The following DHX8 variants were observed in gnomAD, a reference collection of about 807,000 sequenced individuals.
The protein encoded by DHX8 is DEAH-box helicase 8.
DHX8 carries 67 observed loss-of-function variants against 140.7 expected under a neutral mutation model. The observed-to-expected ratio is 0.48, with a 90% CI of 0.39 to 0.58. The LOEUF (loss-of-function observed/expected upper bound fraction) is 0.58. DHX8 is among the 20% of genes least tolerant of loss of function. DHX8 has a pLI of 0.00. For missense variants in DHX8, 887 were observed against 1,550.7 expected (o/e 0.57, Z 7.19); for synonymous variants, 533 against 553.2 (o/e 0.96, Z 0.51).
At chr17:43,518,703 CT>C (rs1970233521) in intron 18 of DHX8, 1 of 152,100 alleles carries the variant, frequency 6.6e-6, no homozygotes, top group Non-Finnish European at 1.5e-5. Context: ...ATTTCCAGAA[CT>C]TTTTCATTGT....
At chr17:43,508,073 C>A in intron 15 of DHX8, 54 bp downstream of exon 15, 1 of 1,542,238 alleles carries the variant, frequency 6.5e-7, no homozygotes, top group Non-Finnish European at 8.9e-7. Context: ...CCCTCTTAGG[C>A]CAAAAGTCCT....
At chr17:43,542,421 C>A (rs1389456747) in intron 3 of DHX8, among the ~76,000 whole-genome samples, 1 of 152,082 alleles carries the variant, frequency 6.6e-6, no homozygotes, top group Non-Finnish European at 1.5e-5. Context: ...GGATTCAGGG[C>A]TCCTGACAAG....
intron 16 of DHX8, among the ~76,000 whole-genome samples, chr17:43,509,830 G>C (rs367912526): frequency 2.0e-5 from 3 of 151,968 alleles, no homozygotes; most frequent in African/African-American, 7.2e-5. Context: ...TACCACGCCT[G>C]GCTTATTTTT....
At chr17:43,542,173 C>T (rs538624199) in intron 3 of DHX8, among the ~76,000 whole-genome samples, 55 of 152,078 alleles carry the variant, frequency 3.6e-4, no homozygotes, top group Non-Finnish European at 6.2e-4. Flanking sequence ...GCAGATCGAT[C>T]GATCCCTTTG....
Position 43,508,326 on chromosome 17 carries a change from A to G in DHX8, c.2321-13A>G, listed in dbSNP as rs772173136. On this transcript the variant is annotated splice_polypyrimidine_tract_variant and intron_variant, in intron 15 of 22. Transcript: ENST00000262415. ...CACACAGAAAGTAGATGAATGTTCT[A>G]TTCTGCTCGTAGGTGATATCCTGGT... 2.1e-5 allele frequency: 34 copies of G among 1,606,438 alleles called. No homozygotes were observed. The Middle Eastern group carries it at 8.3e-4, about 39-fold the overall frequency.
At chr17:43,510,632 C>A (rs1969772338) in intron 16 of DHX8, among the ~76,000 whole-genome samples, 1 of 152,014 alleles carries the variant, frequency 6.6e-6, no homozygotes, top group African/African-American at 2.4e-5. Flanking sequence ...TATTTTTAAT[C>A]TGCTGTTGGT....
chr17:43,526,825 A>G (rs1277661974), downstream of DHX8: 66 of 594,778 alleles, frequency 1.1e-4, no homozygotes, highest in East Asian at 2.4e-3. Context: ...GCACTAAATT[A>G]TGTCAGTACA....
chr17:43,528,246 T>C (rs796159098), downstream of DHX8: 23 of 384,012 alleles, frequency 6.0e-5, no homozygotes, highest in African/African-American at 4.4e-4. Context: ...TGTGGGGGGC[T>C]TGGACCTAGG....
rs760625283 is a variant in DHX8 at position 43,492,998 on chromosome 17, G to A, written c.821G>A (p.Ser274Asn). The change falls in exon 6 of 23, where the codon AGC becomes AAC. Residue 274 changes from serine to asparagine, a missense_variant. By Grantham distance (46) the Ser-to-Asn change is conservative. Coordinates refer to ENST00000262415, the MANE Select transcript of DHX8 (RefSeq NM_004941.3). ...IGDIYNGKVTSIMQFGCFVQL... is the reference protein window; with the variant it reads ...IGDIYNGKVTNIMQFGCFVQL... ...GACATTTATAATGGCAAAGTTACCA[G>A]CATCATGCAGTTTGGTTGCTTTGTG... The A allele has an allele frequency of 1.2e-6, 2 of 1,614,200 alleles. No homozygotes were observed. The highest frequency in any genetic ancestry group is 1.7e-6 in the Non-Finnish European group (2 of 1,180,012).
rs1970557867 is a variant in DHX8 at position 43,524,945 on chromosome 17, T to G, written c.*1098T>G. 3.0e-6 allele frequency: 3 copies of G among 984,982 alleles called. No individual in the cohort carries two copies. The South Asian group carries it at 1.4e-4, about 46-fold the overall frequency. The allele number at this position is 984,982 out of a possible 1,614,324, so 61.0% of individuals were successfully genotyped here. A position where few individuals can be genotyped will look rare whatever the true frequency, so the allele number is the denominator to read the frequency against. ...CACCTCCTTGTGCCCTCCTCACAGC[T>G]CCTGAGGAGGGTTTTTTTTTTTTCT... On this transcript the variant is annotated 3_prime_UTR_variant, in exon 23 of 23. Transcript: ENST00000262415.
intron 18 of DHX8, 106 bp from the exon 19 acceptor site, chr17:43,520,024 A>C: frequency 4.6e-6 from 6 of 1,303,030 alleles, no homozygotes; most frequent in Non-Finnish European, 6.5e-6. Flanking sequence ...GTGGCTTCCT[A>C]ATTGCAATTG....
At chr17:43,504,933 G>A in intron 12 of DHX8, 108 bp downstream of exon 12, 2 of 1,043,182 alleles carry the variant, frequency 1.9e-6, no homozygotes. Context: ...TACTTGAAGT[G>A]GCTCATCCAA....
chr17:43,517,161 C>G lies in DHX8; in HGVS notation c.2644-6C>G. The G allele has an allele frequency of 1.2e-6, 2 of 1,612,788 alleles. No homozygotes were observed. The highest frequency in any genetic ancestry group is 1.7e-6 in the Non-Finnish European group (2 of 1,179,402). On this transcript the variant is annotated splice_region_variant and splice_polypyrimidine_tract_variant and intron_variant, in intron 17 of 22. Coordinates refer to ENST00000262415, the MANE Select transcript of DHX8 (RefSeq NM_004941.3). ...ATATGTTGCTTTTATATGCCCACCC[C>G]TCTAGGCTCAGGCAAAGCAACGAGC...
chr17:43,526,690 CGT>C (rs1970631341), downstream of DHX8: 6 of 1,508,630 alleles, frequency 4.0e-6, no homozygotes, highest in Non-Finnish European at 4.4e-6. Flanking sequence ...CCTCTCTCTT[CGT>C]GTGTGTACTC....
chr17:43,536,409 C>G (rs1347087615), intron 2 of DHX8: 1 of 1,612,660 alleles, frequency 6.2e-7, no homozygotes. Context: ...ACCCTCTCCC[C>G]AGGGACCTCT....
downstream of DHX8, among the ~76,000 whole-genome samples, chr17:43,531,649 G>A (rs1006185226): frequency 1.8e-4 from 27 of 152,154 alleles, no homozygotes; most frequent in Non-Finnish European, 1.9e-4. Context: ...CAGCCTGGGC[G>A]AGAGAGCAAG....
intron 17 of DHX8, among the ~76,000 whole-genome samples, chr17:43,514,877 A>G (rs562489929): frequency 6.6e-6 from 1 of 152,212 alleles, no homozygotes; most frequent in Non-Finnish European, 1.5e-5. Flanking sequence ...ACATGTAACT[A>G]TAATATTTTC....
At chr17:43,533,198 G>A (rs770051904) in intron 2 of DHX8, 15 of 1,613,308 alleles carry the variant, frequency 9.3e-6, no homozygotes, top group Middle Eastern at 1.6e-4. Context: ...TATGTTCCCC[G>A]AGGTACCCAT....
At chr17:43,500,198 C>T (rs1229717314) in intron 11 of DHX8, 95 bp downstream of exon 11, 24 of 1,421,534 alleles carry the variant, frequency 1.7e-5, no homozygotes, top group East Asian at 2.4e-5. Context: ...TAAAAATTTA[C>T]CCTTGGGCCG....
Sources: gnomAD v4.1 joint callset for allele counts (sites outside exome capture counted in the v4.1 genomes callset) on GRCh38, gnomAD v4.1.1 for gene constraint, MANE v1.5 for transcripts, NCBI Gene and HGNC (gene_info 2026-07-23, HGNC 2026-07-21) for gene names.